PCDH7: variants seen among roughly 807,000 people sequenced by gnomAD.
PCDH7 encodes protocadherin 7, also known as protocadherin-7.
A neutral mutation model predicts 58.9 loss-of-function variants in PCDH7; 17 were observed. That is an observed-to-expected ratio of 0.29 (90% confidence interval 0.20 to 0.43). PCDH7 has a LOEUF of 0.43. PCDH7 is among the 20% of genes least tolerant of loss of function. PCDH7 has a pLI of 1.00. For synonymous variants in PCDH7, 664 were observed against 616.4 expected, an observed-to-expected ratio of 1.08 and a Z score of -1.14; for missense variants, 1,274 against 1,441.0, an observed-to-expected ratio of 0.88 and a Z score of 1.88.
chr4:30,782,098 T>C (rs974502187), intron 1 of PCDH7, among the ~76,000 whole-genome samples: 70 of 152,236 alleles, frequency 4.6e-4, no homozygotes, highest in Middle Eastern at 3.4e-3. Flanking sequence ...TATGATAGAA[T>C]ATATATTTGT....
In PCDH7 at chr4:30,758,431, T is replaced by C. The variant is rs188731957; in HGVS notation, c.70+33835T>C. ...GAAGACTGGCAGACAAATGGAATAC[T>C]TCATAGAATTTAAAACATTTATCTT... On this transcript the variant is annotated intron_variant, in intron 1 of 3. Transcript: ENST00000509759. Among the ~76,000 whole-genome samples the C allele has an allele frequency of 3.6e-3, 544 of 152,348 alleles. 5 individuals carry two copies. The highest frequency in any genetic ancestry group is 0.012 in the African/African-American group (508 of 41,588).
At chr4:30,815,221 TA>T (rs2109316893) in intron 1 of PCDH7, among the ~76,000 whole-genome samples, 1 of 152,150 alleles carries the variant, frequency 6.6e-6, no homozygotes, top group East Asian at 1.9e-4. Context: ...GTACTGTTGC[TA>T]GTGGTGAATC....
intron 2 of PCDH7, among the ~76,000 whole-genome samples, chr4:30,927,181 T>G (rs997426863): frequency 6.6e-6 from 1 of 152,174 alleles, no homozygotes; most frequent in African/African-American, 2.4e-5. Flanking sequence ...TACATTTGAT[T>G]GTTTTAGTTC....
At position 30,721,510 on chromosome 4, in the gene PCDH7, G is replaced by T. The variant is rs1225024700; in HGVS notation, c.88G>T (p.Ala30Ser). 2 of 1,599,380 alleles carry T rather than the reference G, an allele frequency of 1.3e-6. No individual in the cohort carries two copies. The highest frequency in any genetic ancestry group is 2.2e-5 in the South Asian group (2 of 90,758). The change falls in exon 1 of 2, where the codon GCC (alanine) becomes TCC (serine). Residue 30 changes from alanine (A) to serine (S), a missense_variant. By Grantham distance (99) the Ala-to-Ser change is moderately conservative (BLOSUM62 1). This residue lies in a region of PCDH7 where 212 missense variants were observed against 255.8 expected (regional missense o/e 0.83). Coordinates refer to ENST00000361762, the Ensembl canonical transcript of PCDH7. The surrounding 1 kb of genome is among the most constrained non-coding windows in gnomAD (Gnocchi z 6.7). ...GCCGCTCTCGCTCAGCCTGGCGGCC[G>T]CCAAGCAGCTCCTCCGGTACCGGCT...
At chr4:30,991,142 C>G (rs1331601331) in intron 3 of PCDH7, among the ~76,000 whole-genome samples, 5 of 152,148 alleles carry the variant, frequency 3.3e-5, no homozygotes, top group South Asian at 2.1e-4. Flanking sequence ...AAAACTTGTT[C>G]TCTTCCAATA....
chr4:30,816,098 C>T (rs1727636907), intron 1 of PCDH7, among the ~76,000 whole-genome samples: 1 of 152,060 alleles, frequency 6.6e-6, no homozygotes, highest in Non-Finnish European at 1.5e-5. Flanking sequence ...TTTATAGATA[C>T]ATTATTGGTT....
intron 3 of PCDH7, among the ~76,000 whole-genome samples, chr4:30,985,480 A>G (rs1750892611): frequency 1.3e-5 from 2 of 152,202 alleles, no homozygotes; most frequent in Admixed American, 6.5e-5. Context: ...ATGGCTTAAG[A>G]AAGAGAATGG....
At chr4:31,003,188 C>A (rs1379633448) in intron 3 of PCDH7, among the ~76,000 whole-genome samples, 1 of 152,024 alleles carries the variant, frequency 6.6e-6, no homozygotes, top group East Asian at 1.9e-4. Context: ...AGCATACTTT[C>A]ATTTAAATAT....
intron 1 of PCDH7, among the ~76,000 whole-genome samples, chr4:30,728,398 G>A (rs1321253504): frequency 6.6e-6 from 1 of 151,362 alleles, no homozygotes; most frequent in African/African-American, 2.4e-5. Context: ...CATTCTGTAA[G>A]CATAATTTTT....
At chr4:30,757,012 G>C (rs1050574750) in intron 1 of PCDH7, among the ~76,000 whole-genome samples, 5 of 152,120 alleles carry the variant, frequency 3.3e-5, no homozygotes, top group African/African-American at 1.2e-4. Flanking sequence ...CTATATCCAG[G>C]GGGTACTTCT....
At chr4:30,895,887 T>C (rs1019900593) in intron 1 of PCDH7, among the ~76,000 whole-genome samples, 8 of 152,340 alleles carry the variant, frequency 5.3e-5, no homozygotes, top group Non-Finnish European at 1.0e-4. Context: ...AATGAAGATA[T>C]ATGCTTTCTC....
At chr4:30,896,186 G>A (rs572060035) in intron 1 of PCDH7, among the ~76,000 whole-genome samples, 39 of 152,146 alleles carry the variant, frequency 2.6e-4, no homozygotes, top group Admixed American at 8.5e-4. Context: ...ATTTTGGACC[G>A]TAAATTTGGT....
chr4:31,091,891 A>G (rs570309044), intron 3 of PCDH7, among the ~76,000 whole-genome samples: 1 of 152,122 alleles, frequency 6.6e-6, no homozygotes, highest in South Asian at 2.1e-4. Context: ...TGATTAAAGG[A>G]AATGAAAAAT....
intron 3 of PCDH7, among the ~76,000 whole-genome samples, chr4:31,125,191 C>T (rs1475641697): frequency 2.0e-5 from 3 of 152,126 alleles, no homozygotes; most frequent in Admixed American, 2.0e-4. Flanking sequence ...CAAGGACCAA[C>T]TGAGGGACAG....
chr4:30,951,408 C>A (rs1013016532), intron 3 of PCDH7, among the ~76,000 whole-genome samples: 2 of 152,118 alleles, frequency 1.3e-5, no homozygotes, highest in African/African-American at 4.8e-5. Context: ...AAGCTCTGAT[C>A]ATTGAGTATC....
At chr4:31,046,442 T>A (rs1578648998) in intron 3 of PCDH7, among the ~76,000 whole-genome samples, 1 of 152,158 alleles carries the variant, frequency 6.6e-6, no homozygotes, top group East Asian at 1.9e-4. Context: ...CTAATCTCCC[T>A]AATATAATAT....
rs950412911 is a variant in PCDH7, at chr4:30,810,326, T to C, written c.70+85730T>C. ...AGTTGAATAAATGGATGGGCGAATA[T>C]GTTACATCTGTAGTTCATTTTCATT... On this transcript the variant is annotated intron_variant, in intron 1 of 3. Transcript: ENST00000509759. Among the ~76,000 whole-genome samples, 10 of 152,300 alleles carry C rather than the reference T, an allele frequency of 6.6e-5. No homozygotes were observed. The East Asian group carries it at 1.9e-3, about 29-fold the overall frequency.
downstream of PCDH7, chr4:31,145,412 A>G (rs1444113172): frequency 6.6e-6 from 1 of 152,080 alleles, no homozygotes. Context: ...TTTATTTTAA[A>G]TAGGTTAAAT....
At chr4:31,120,169 T>G (rs186330028) in intron 3 of PCDH7, among the ~76,000 whole-genome samples, 22 of 152,190 alleles carry the variant, frequency 1.4e-4, no homozygotes, top group African/African-American at 3.4e-4. Context: ...AAGTCACATA[T>G]CGAATTAAGA....
Sources: gnomAD v4.1 joint callset for allele counts (sites outside exome capture counted in the v4.1 genomes callset) on GRCh38, gnomAD v4.1.1 for gene constraint, gnomAD v4.1.1 regional missense constraint, Gnocchi (gnomAD v3.1) non-coding constraint, MANE v1.5 for transcripts, NCBI Gene and HGNC (gene_info 2026-07-23, HGNC 2026-07-21) for gene names.